The following C10orf88 variants were observed in gnomAD, a reference collection of about 807,000 sequenced individuals.
C10orf88 encodes the protein ATPase PAAT.
In C10orf88, 29 loss-of-function variants were observed where a neutral mutation model predicts 34.2. The observed-to-expected ratio is 0.85, with a 90% confidence interval of 0.63 to 1.16. The LOEUF is 1.16. C10orf88 is among the 50% of genes most tolerant of loss of function. C10orf88 has a pLI of 0.00. For synonymous variants in C10orf88, 194 were observed against 197.4 expected, an observed-to-expected ratio of 0.98 and a Z score of 0.15; for missense variants, 507 against 533.2, an observed-to-expected ratio of 0.95 and a Z score of 0.48.
chr10:122,954,169 G>C lies in C10orf88; in HGVS notation c.10C>G (p.Arg4Gly). 2 of 1,569,920 alleles carry C rather than the reference G, an allele frequency of 1.3e-6. No individual in the cohort carries two copies. The highest frequency in any genetic ancestry group is 8.6e-7 in the Non-Finnish European group (1 of 1,164,204). The stretch of plus-strand genomic sequence containing the variant: ...CGGGTGAGGCCCCCGTCCTCGGTCC[G>C]CGTCTCCATTCCGCCGCCTTCAGTC... MET[R>G]TEDGGLTRRP... is the part of the protein sequence containing the mutation. Residue 4 changes from arginine (R) to glycine (G), a missense_variant, in exon 1 of 6, where the codon CGG becomes GGG. By Grantham distance (125) the Arg-to-Gly change is moderately radical. Coordinates refer to ENST00000481909, the MANE Select transcript of C10orf88 (RefSeq NM_024942.4).
In C10orf88 at chr10:122,951,937, T is replaced by G. The variant is rs1006201724; in HGVS notation, c.441+17A>C. The G allele has an allele frequency of 2.0e-6, 3 of 1,488,264 alleles. No individual in the cohort carries two copies. Among genetic ancestry groups the G allele is most frequent in the Admixed American group, 1.8e-5 (1 of 54,994 alleles). 92.2% of individuals were successfully genotyped at this position (1,488,264 alleles called of 1,614,324 possible). The stretch of plus-strand genomic sequence containing the variant: ...AAACAACTTAGTTGTCAAATTAGTT[T>G]ACAACTGACAACTTACCTTTATTTT... On this transcript the variant is annotated intron_variant, in intron 3 of 5. Coordinates refer to ENST00000481909, the MANE Select transcript of C10orf88 (RefSeq NM_024942.4).
Position 122,932,295 on chromosome 10 carries a change from C to G in C10orf88, c.*132G>C, listed in dbSNP as rs1848490264. On this transcript the variant is annotated 3_prime_UTR_variant, in exon 6 of 6. Coordinates refer to ENST00000481909, the MANE Select transcript of C10orf88 (RefSeq NM_024942.4). ...ATAACAAGTGTAGTAAAAACGAAAA[C>G]TGAGGTCACTTTGTGTAAGACAATG... The G allele has an allele frequency of 5.5e-6, 4 of 721,150 alleles. No individual in the cohort carries two copies. In the East Asian group the frequency reaches 1.1e-4, roughly 20 times the overall value. The allele number at this position is 721,150 out of a possible 1,614,324, so 44.7% of individuals were successfully genotyped here.
chr10:122,945,067 C>A (rs1443402373), intron 4 of C10orf88, among the ~76,000 whole-genome samples: 1 of 149,362 alleles, frequency 6.7e-6, no homozygotes, highest in Admixed American at 6.7e-5. Flanking sequence ...TAGATATATG[C>A]ATGTATATAT....
At chr10:122,937,499 C>T (rs1193872457) in intron 5 of C10orf88, among the ~76,000 whole-genome samples, 11 of 151,982 alleles carry the variant, frequency 7.2e-5, no homozygotes, top group African/African-American at 1.4e-4. Flanking sequence ...GTGTGCAAAA[C>T]CTCCAGTTAT....
chr10:122,943,345 C>T (rs1848604514), intron 4 of C10orf88, among the ~76,000 whole-genome samples: 1 of 149,976 alleles, frequency 6.7e-6, no homozygotes, highest in Non-Finnish European at 1.5e-5. Flanking sequence ...AACTGGATCC[C>T]TTCCTTACAC....
chr10:122,951,907 T>G lies in C10orf88; in HGVS notation c.441+47A>C, dbSNP rs761577940. The G allele has an allele frequency of 7.6e-6, 9 of 1,186,208 alleles. No homozygotes were observed. The East Asian group carries it at 1.9e-4, about 25-fold the overall frequency. The allele number at this position is 1,186,208 out of a possible 1,614,324, so 73.5% of individuals were successfully genotyped here. On this transcript the variant is annotated intron_variant, in intron 3 of 5. Transcript: ENST00000481909. ...CAAAAGAAAACAAGCATACACAGAG[T>G]ACAAAAACAACTTAGTTGTCAAATT...
intron 4 of C10orf88, among the ~76,000 whole-genome samples, chr10:122,944,798 C>T (rs1372725717): frequency 6.6e-6 from 1 of 151,716 alleles, no homozygotes; most frequent in Non-Finnish European, 1.5e-5. Context: ...TATTCCTTTA[C>T]ACAAGTATCT....
In C10orf88 at chr10:122,937,748, G is replaced by C. The variant is rs777773654; in HGVS notation, c.1060C>G (p.Gln354Glu). 1 of 1,611,982 alleles carries C rather than the reference G, an allele frequency of 6.2e-7. No homozygotes were observed. The highest frequency in any genetic ancestry group is 1.3e-5 in the African/African-American group (1 of 74,882). ...HLHVGNKTEC[Q>E]ENITKHGERI... Reference sequence around the variant, plus strand: ...TCACCATGCTTGGTGATGTTTTCCTGACACTCGGTCTTATTTCCCACATGG... The same window carrying C: ...TCACCATGCTTGGTGATGTTTTCCTCACACTCGGTCTTATTTCCCACATGG... Residue 354 changes from glutamine (Q) to glutamate (E), a missense_variant, in exon 5 of 6, where the codon CAG becomes GAG. Coordinates refer to ENST00000481909, the MANE Select transcript of C10orf88 (RefSeq NM_024942.4).
At chr10:122,948,202 T>A (rs1243766765) in intron 4 of C10orf88, among the ~76,000 whole-genome samples, 1 of 152,208 alleles carries the variant, frequency 6.6e-6, no homozygotes, top group Admixed American at 6.5e-5. Flanking sequence ...ATTCACCTTA[T>A]TTTTTGTCTG....
rs781678327 is a variant in C10orf88 at position 122,938,139 on chromosome 10, C to G, written c.669G>C (p.Glu223Asp). 2 of 1,603,132 alleles carry G rather than the reference C, an allele frequency of 1.2e-6. No homozygotes were observed. Among genetic ancestry groups the G allele is most frequent in the Admixed American group, 1.7e-5 (1 of 58,956 alleles). ...AATTGCCCAACACCGACTGAAGCTG[C>G]TCTCCAATGGGAATACAATTCTAAA... ...CQQRNCIPIG[E>D]QLQSVLGNSG... The change falls in exon 5 of 6, where the codon GAG (glutamate) becomes GAC (aspartate). Residue 223 changes from glutamate (E) to aspartate (D), a missense_variant. By Grantham distance (45) the Glu-to-Asp change is conservative (BLOSUM62 2). Transcript: ENST00000481909.
intron 4 of C10orf88, among the ~76,000 whole-genome samples, chr10:122,947,187 T>C (rs74159927): frequency 0.01 from 1,567 of 152,262 alleles, 24 homozygotes; most frequent in African/African-American, 0.035. Context: ...AGTATACATT[T>C]CCATCTTTTT....
chr10:122,952,984 G>A lies in C10orf88; in HGVS notation c.213C>T (p.Asn71=), dbSNP rs560483326. The part of the protein sequence containing the change: ...LKRNHNNKDE[N]PCFLYLRCGP... ...CACACCTCAGGTAAAGGAAGCAGGG[G>A]TTTTCATCTTTGTTGTTGTGGTTTC... The change falls in exon 2 of 6, where the codon AAC becomes AAT. Residue 71 remains asparagine, a synonymous_variant. Transcript: ENST00000481909. 11 of 1,614,172 alleles carry A rather than the reference G, an allele frequency of 6.8e-6. No homozygotes were observed. In the South Asian group the frequency reaches 1.2e-4, roughly 18 times the overall value.
chr10:122,947,039 C>T (rs1261557815), intron 4 of C10orf88, among the ~76,000 whole-genome samples: 1 of 151,958 alleles, frequency 6.6e-6, no homozygotes, highest in Non-Finnish European at 1.5e-5. Context: ...GGGGGCTTTG[C>T]ACAGGAGAAG....
chr10:122,935,478 C>T (rs1353433892), intron 5 of C10orf88, among the ~76,000 whole-genome samples: 1 of 152,000 alleles, frequency 6.6e-6, no homozygotes, highest in Non-Finnish European at 1.5e-5. Context: ...TATTTCTGTG[C>T]TATCCATCTA....
In C10orf88 at chr10:122,932,157, CATTTTAA is replaced by C. The variant is rs2133326021; in HGVS notation, c.*263_*269del. On this transcript the variant is annotated 3_prime_UTR_variant, in exon 6 of 6. Coordinates refer to ENST00000481909, the MANE Select transcript of C10orf88 (RefSeq NM_024942.4). ...ATGAACTGTATTAGAAATCCTCAAG[CATTTTAA>C]ACTCTTAACACAAATATACATACAT... 6.7e-6 allele frequency: 2 copies of C among 299,984 alleles called. No homozygotes were observed. Among genetic ancestry groups the C allele is most frequent in the Non-Finnish European group, 1.2e-5 (2 of 162,384 alleles). 18.6% of individuals were successfully genotyped at this position (299,984 alleles called of 1,614,324 possible).
chr10:122,934,391 C>A (rs1272706699), intron 5 of C10orf88, among the ~76,000 whole-genome samples: 1 of 152,126 alleles, frequency 6.6e-6, no homozygotes, highest in East Asian at 1.9e-4. Context: ...ATATGTTGTT[C>A]ATCTCTACAG....
At chr10:122,943,690 C>G (rs1407076487) in intron 4 of C10orf88, among the ~76,000 whole-genome samples, 13 of 152,106 alleles carry the variant, frequency 8.5e-5, no homozygotes, top group African/African-American at 2.6e-4. Flanking sequence ...AAAAAACAAA[C>G]AACCCCATCA....
intron 5 of C10orf88, 23 bp downstream of exon 5, chr10:122,937,682 G>A (rs10794580): frequency 0.45 from 696,544 of 1,535,362 alleles, 159,997 homozygotes; most frequent in Non-Finnish European, 0.46. Context: ...ATCGAAACTC[G>A]TATGTCTTAA....
chr10:122,938,278 A>G, intron 4 of C10orf88, 119 bp from the exon 5 acceptor site: 1 of 870,530 alleles, frequency 1.1e-6, no homozygotes. Context: ...CATCCTTATA[A>G]AGTAGGCCAC....
Sources: allele counts gnomAD v4.1 joint callset (sites outside exome capture counted in the v4.1 genomes callset), GRCh38; gene constraint gnomAD v4.1.1; transcripts MANE v1.5; gene names NCBI Gene and HGNC (gene_info 2026-07-23, HGNC 2026-07-21).